The following VPS4B variants were observed in gnomAD, a reference collection of about 807,000 sequenced individuals.
VPS4B encodes the protein vacuolar protein sorting 4 homolog B, also known as vacuolar protein sorting-associated protein 4B.
Under a neutral mutation model 56.1 loss-of-function variants are expected in VPS4B, and 23 were observed. The observed-to-expected ratio is 0.41, with a 90% confidence interval of 0.30 to 0.58. The LOEUF (loss-of-function observed/expected upper bound fraction) is 0.58, where lower values mean the gene tolerates loss of function less well. VPS4B is among the 20% of genes least tolerant of loss of function. The pLI, the probability that VPS4B is intolerant of heterozygous loss-of-function variation, is 0.29. For missense variants in VPS4B, 372 were observed against 531.9 expected (o/e 0.70, Z 2.96); for synonymous variants, 177 against 186.0 (o/e 0.95, Z 0.39).
At position 63,393,488 on chromosome 18, in the gene VPS4B, G is replaced by A. The variant is rs1033915095; in HGVS notation, c.1154C>T (p.Ser385Phe). The change falls in exon 10 of 11, where the codon TCT becomes TTT. Residue 385 changes from serine (S) to phenylalanine (F), a missense_variant. Coordinates refer to ENST00000238497, the MANE Select transcript of VPS4B (RefSeq NM_004869.4). Reference sequence around the variant, plus strand: ...TTCAATGGCACCAGGGTCACCTGGAGAGCAAGGTGTTAGCAGATCATCTAC... The same window carrying A: ...TTCAATGGCACCAGGGTCACCTGGAAAGCAAGGTGTTAGCAGATCATCTAC... Reference protein sequence around the residue: ...HLVDDLLTPCSPGDPGAIEMT... With the variant: ...HLVDDLLTPCFPGDPGAIEMT... 6.8e-6 allele frequency: 11 copies of A among 1,612,996 alleles called. No homozygotes were observed. Among genetic ancestry groups the A allele is most frequent in the South Asian group, 1.1e-5 (1 of 90,878 alleles).
chr18:63,403,816 A>C lies in VPS4B; in HGVS notation c.375T>G (p.Val125=). ...KLQNQLQGAI[V]IERPNVKWSD... ...TCCATTTCACATTTGGTCGTTCTAT[A>C]ACAATGGCACCTGCAAAAAATTACG... The change falls in exon 5 of 11, where the codon GTT becomes GTG. Residue 125 remains valine (V), a synonymous_variant. Coordinates refer to ENST00000238497, the MANE Select transcript of VPS4B (RefSeq NM_004869.4). The C allele has an allele frequency of 6.2e-7, 1 of 1,606,254 alleles. No individual in the cohort carries two copies.
rs1278566966 is a variant in VPS4B at position 63,389,221 on chromosome 18, T to G, written c.*1754A>C. ...TATATACATTAATAATTTTAATGAT[T>G]TCTTTGTATCTAACCAATTTAGGTA... On this transcript the variant is annotated 3_prime_UTR_variant, in exon 11 of 11. Coordinates refer to ENST00000238497, the MANE Select transcript of VPS4B (RefSeq NM_004869.4). 1.3e-5 allele frequency: 2 copies of G among 152,226 alleles called. No homozygotes were observed. Among genetic ancestry groups the G allele is most frequent in the African/African-American group, 4.8e-5 (2 of 41,452 alleles). The allele number at this position is 152,226 out of a possible 1,614,324, so 9.4% of individuals were successfully genotyped here. A position where few individuals can be genotyped will look rare whatever the true frequency, so the allele number is the denominator to read the frequency against.
In VPS4B at chr18:63,422,237, A is replaced by G; in HGVS notation, c.23T>C (p.Leu8Pro). Residue 8 changes from leucine to proline, a missense_variant, in exon 1 of 11, where the codon CTC (leucine) becomes CCC (proline). By Grantham distance (98) the Leu-to-Pro change is moderately conservative (BLOSUM62 -3). This residue lies in a region of VPS4B where 153 missense variants were observed against 190.3 expected (regional missense o/e 0.80). Transcript: ENST00000238497. MSSTSPN[L>P]QKAIDLASKA... ...ACGGGAGATGAGCAATGATACCTGG[A>G]GGTTGGGCGAAGTGGATGACATGGC... is the stretch of plus-strand genomic sequence containing the variant. The G allele has an allele frequency of 6.6e-7, 1 of 1,510,952 alleles. No homozygotes were observed. The highest frequency in any genetic ancestry group is 8.9e-7 in the Non-Finnish European group (1 of 1,128,144). 93.6% of individuals were successfully genotyped at this position (1,510,952 alleles called of 1,614,324 possible).
intron 1 of VPS4B, among the ~76,000 whole-genome samples, chr18:63,413,614 T>G (rs2144435213): frequency 6.6e-6 from 1 of 151,134 alleles, no homozygotes; most frequent in South Asian, 2.1e-4. Context: ...ACATTCCAAC[T>G]GGGTTAATTT....
intron 3 of VPS4B, among the ~76,000 whole-genome samples, chr18:63,408,285 A>G (rs777731458): frequency 2.8e-5 from 4 of 142,136 alleles, no homozygotes; most frequent in Non-Finnish European, 4.8e-5. Context: ...TTTTAAAACA[A>G]TAACATATAA....
chr18:63,412,293 C>T (rs977485310), intron 1 of VPS4B, among the ~76,000 whole-genome samples: 1 of 152,054 alleles, frequency 6.6e-6, no homozygotes, highest in African/African-American at 2.4e-5. Context: ...TTATATGTAG[C>T]AGGAATTTAT....
chr18:63,400,664 G>A lies in VPS4B; in HGVS notation c.524C>T (p.Pro175Leu), dbSNP rs910450361. 22 of 1,604,050 alleles carry A rather than the reference G, an allele frequency of 1.4e-5. No individual in the cohort carries two copies. The highest frequency in any genetic ancestry group is 1.9e-5 in the Non-Finnish European group (22 of 1,177,882). The change falls in exon 6 of 11, where the codon CCG (proline) becomes CTG (leucine). Residue 175 changes from proline (P) to leucine (L), a missense_variant. Around this residue, in one of 3 missense-constraint regions of VPS4B, gnomAD observed 66 missense variants for 150.7 expected, o/e 0.44. Transcript: ENST00000238497. Reference protein sequence around the residue: ...TPWRGILLFGPPGTGKSYLAK... With the variant: ...TPWRGILLFGLPGTGKSYLAK... ...TAAGTAGGACTTTCCTGTTCCAGGC[G>A]GCCCAAATAATAGGATTCCCCTCCA...
Position 63,417,077 on chromosome 18 carries a change from C to T in VPS4B, c.27+5156G>A, listed in dbSNP as rs538493460. On this transcript the variant is annotated intron_variant, in intron 1 of 10. Transcript: ENST00000238497. ...ATGGTGCCGGCATACAACAGGTACT[C>T]GAAATTGTTTAACGAATGAAAAAAA... is the stretch of plus-strand genomic sequence containing the variant. 9.2e-5 allele frequency among the ~76,000 whole-genome samples: 14 copies of T among 152,020 alleles called. No individual in the cohort carries two copies. The South Asian group carries it at 2.3e-3, about 25-fold the overall frequency.
At position 63,397,249 on chromosome 18, in the gene VPS4B, C is replaced by G; in HGVS notation, c.877G>C (p.Glu293Gln). 1 of 1,597,152 alleles carries G rather than the reference C, an allele frequency of 6.3e-7. No individual in the cohort carries two copies. ...VLDSAIRRRF[E>Q]KRIYIPLPEP... Reference sequence around the variant, plus strand: ...GGCAAGGGAATATAAATTCGTTTCTCAAATCTTAAAAGAGAAATTACATCA... The same window carrying G: ...GGCAAGGGAATATAAATTCGTTTCTGAAATCTTAAAAGAGAAATTACATCA... The change falls in exon 9 of 11, where the codon GAG (glutamate) becomes CAG (glutamine). Residue 293 changes from glutamate (E) to glutamine (Q), a missense_variant. Transcript: ENST00000238497.
At chr18:63,418,326 C>T (rs1477541246) in intron 1 of VPS4B, among the ~76,000 whole-genome samples, 2 of 152,332 alleles carry the variant, frequency 1.3e-5, no homozygotes, top group African/African-American at 4.8e-5. Flanking sequence ...TATCTCACTC[C>T]CTCTCCGCAG....
intron 10 of VPS4B, among the ~76,000 whole-genome samples, chr18:63,391,531 T>G (rs574759558): frequency 6.6e-6 from 1 of 152,238 alleles, no homozygotes; most frequent in African/African-American, 2.4e-5. Flanking sequence ...ACCCGGCCCC[T>G]ATTCTTTCAC....
At chr18:63,392,936 G>A (rs1003579490) in intron 10 of VPS4B, among the ~76,000 whole-genome samples, 2 of 151,796 alleles carry the variant, frequency 1.3e-5, no homozygotes, top group African/African-American at 4.8e-5. Context: ...AGGAGAGATG[G>A]CATTTCACCA....
chr18:63,393,689 T>A (rs1326271711), intron 9 of VPS4B, 140 bp from the exon 10 acceptor site: 2 of 946,104 alleles, frequency 2.1e-6, no homozygotes, highest in African/African-American at 3.4e-5. Context: ...AAATTAAGAA[T>A]ATACAACAAA....
intron 8 of VPS4B, among the ~76,000 whole-genome samples, chr18:63,398,536 C>T (rs1915732609): frequency 6.7e-6 from 1 of 148,958 alleles, no homozygotes; most frequent in Non-Finnish European, 1.5e-5. Flanking sequence ...ATAGTTTTTA[C>T]TAAAAAAAAA....
Position 63,413,538 on chromosome 18 carries a change from C to CAA in VPS4B, c.28-1962_28-1961dup, listed in dbSNP as rs11363766. On this transcript the variant is annotated intron_variant, in intron 1 of 10. Transcript: ENST00000238497. ...TGGGCAACAGAGTGAGACTCCACCT[C>CAA]AAAAAAAAAAAAAAAAAAATTATGC... is the stretch of plus-strand genomic sequence containing the variant. Among the ~76,000 whole-genome samples, 40 of 81,746 alleles carry CAA rather than the reference C, an allele frequency of 4.9e-4. 1 individual carries two copies. Among genetic ancestry groups the CAA allele is most frequent in the Middle Eastern group, 9.4e-3 (1 of 106 alleles). 53.6% of individuals were successfully genotyped at this position (81,746 alleles called of 152,430 possible).
intron 5 of VPS4B, among the ~76,000 whole-genome samples, chr18:63,401,331 T>C (rs1915802116): frequency 1.3e-5 from 2 of 152,308 alleles, no homozygotes; most frequent in African/African-American, 2.4e-5. Context: ...CTCGGCTCAC[T>C]GCAACCTCTG....
intron 9 of VPS4B, 99 bp from the exon 10 acceptor site, chr18:63,393,648 T>G: frequency 1.7e-6 from 2 of 1,172,468 alleles, no homozygotes; most frequent in South Asian, 6.1e-5. Flanking sequence ...TAGTTTTGTA[T>G]GTTTTATTAG....
At chr18:63,408,841 G>A (rs1160261420) in intron 3 of VPS4B, among the ~76,000 whole-genome samples, 6 of 152,160 alleles carry the variant, frequency 3.9e-5, no homozygotes, top group Admixed American at 3.3e-4. Context: ...AACTGGCATC[G>A]CCTTGTCAGG....
At chr18:63,393,861 C>T (rs962066052) in intron 9 of VPS4B, among the ~76,000 whole-genome samples, 4 of 151,924 alleles carry the variant, frequency 2.6e-5, no homozygotes, top group East Asian at 3.9e-4. Flanking sequence ...CTCAGCCTCC[C>T]GAGTAGCTAG....
Sources: allele counts gnomAD v4.1 joint callset (sites outside exome capture counted in the v4.1 genomes callset), GRCh38; gene constraint gnomAD v4.1.1; regional missense constraint gnomAD v4.1.1; transcripts MANE v1.5; gene names NCBI Gene and HGNC (gene_info 2026-07-23, HGNC 2026-07-21).